The following SP110 variants were observed in gnomAD, a reference collection of about 807,000 sequenced individuals.
The protein encoded by SP110 is interferon-induced protein 41, 30kD.
In SP110, 62 loss-of-function variants were observed where a neutral mutation model predicts 92.7. The observed-to-expected ratio is 0.67, with a 90% CI of 0.55 to 0.83. The LOEUF (loss-of-function observed/expected upper bound fraction) is 0.83, where lower values mean the gene tolerates loss of function less well. Among genes scored for constraint, SP110 ranks in the 40% least tolerant of loss-of-function variants. The pLI is 0.00. For synonymous variants in SP110, 273 were observed against 305.3 expected (o/e 0.89, Z 1.10); for missense variants, 793 against 863.9 (o/e 0.92, Z 1.03).
At chr2:230,194,047 G>A (rs1415534699) in intron 10 of SP110, among the ~76,000 whole-genome samples, 1 of 152,148 alleles carries the variant, frequency 6.6e-6, no homozygotes, top group Non-Finnish European at 1.5e-5. Context: ...GGGGAACTAG[G>A]AAGAAGAGGC....
intron 10 of SP110, among the ~76,000 whole-genome samples, chr2:230,198,684 T>A (rs1484604350): frequency 6.6e-6 from 1 of 152,094 alleles, no homozygotes; most frequent in Non-Finnish European, 1.5e-5. Context: ...AACCTCTGCC[T>A]CCTGGGTTCA....
intron 17 of SP110, 115 bp downstream of exon 17, chr2:230,171,581 C>T (rs11690519): frequency 0.015 from 12,494 of 823,284 alleles, 127 homozygotes; most frequent in Non-Finnish European, 0.022. Context: ...ACTGCTGCCA[C>T]GCTGCCCTTC....
intron 14 of SP110, among the ~76,000 whole-genome samples, chr2:230,175,905 A>C (rs1181314237): frequency 7.0e-6 from 1 of 143,692 alleles, no homozygotes; most frequent in Non-Finnish European, 1.5e-5. Flanking sequence ...GTTCCTGTCT[A>C]TTTCAATGCC....
rs1483973100 is a variant in SP110, at chr2:230,172,125, G to A, written c.1756C>T (p.Gln586Ter). Residue 586 changes from glutamine to a stop codon, truncating the protein, a stop_gained, in exon 16 of 19, where the codon CAA becomes TAA. Coordinates refer to ENST00000258381, the MANE Select transcript of SP110 (RefSeq NM_080424.4). LOFTEE classifies it high-confidence loss of function. The part of the protein sequence containing the change: ...FCRMKRSSGS[Q>*]QCHHVSKTLE... ...GTCTTAGATACATGATGGCACTGTT[G>A]GCTTCCTGAAGACCTCTTCATCCTG... The A allele has an allele frequency of 6.2e-7, 1 of 1,613,810 alleles. No homozygotes were observed. The highest frequency in any genetic ancestry group is 8.5e-7 in the Non-Finnish European group (1 of 1,179,658).
upstream of SP110, chr2:230,220,249 G>C (rs1261873864): frequency 6.1e-6 from 1 of 162,856 alleles, no homozygotes; most frequent in Non-Finnish European, 1.3e-5. Context: ...TGGGAACTCA[G>C]CGTCCAAATG....
At chr2:230,204,853 G>C (rs1377446212) in intron 8 of SP110, among the ~76,000 whole-genome samples, 4 of 152,182 alleles carry the variant, frequency 2.6e-5, no homozygotes, top group African/African-American at 9.7e-5. Context: ...ATGGGGAGTA[G>C]TGTAGGTTCA....
chr2:230,196,693 TC>T (rs2042891595), intron 10 of SP110, among the ~76,000 whole-genome samples: 1 of 139,312 alleles, frequency 7.2e-6, no homozygotes, highest in Non-Finnish European at 1.5e-5. Flanking sequence ...CCCTCCCTCC[TC>T]CCCGCACCCC....
intron 8 of SP110, chr2:230,202,943 A>C: frequency 1.7e-6 from 1 of 590,834 alleles, no homozygotes; most frequent in Non-Finnish European, 3.0e-6. Flanking sequence ...ATCTGCTTTC[A>C]CTCCTGGTAT....
At chr2:230,188,561 T>A (rs1169641209) in intron 10 of SP110, among the ~76,000 whole-genome samples, 1 of 152,194 alleles carries the variant, frequency 6.6e-6, no homozygotes, top group Non-Finnish European at 1.5e-5. Flanking sequence ...CCTTGTCTTA[T>A]TCCAGTTCTC....
intron 9 of SP110, among the ~76,000 whole-genome samples, chr2:230,201,400 G>T (rs2043172499): frequency 6.6e-6 from 1 of 152,132 alleles, no homozygotes; most frequent in Non-Finnish European, 1.5e-5. Context: ...AAAACTGCTG[G>T]TGCCTTAAGA....
chr2:230,175,090 T>G (rs916647426), intron 14 of SP110, among the ~76,000 whole-genome samples: 5 of 152,200 alleles, frequency 3.3e-5, no homozygotes, highest in African/African-American at 1.2e-4. Context: ...TTATAGTAAT[T>G]CCAATTGTAC....
chr2:230,171,894 G>C (rs1256173633), intron 16 of SP110, 127 bp from the exon 17 acceptor site: 1 of 867,994 alleles, frequency 1.2e-6, no homozygotes, highest in Admixed American at 1.8e-5. Context: ...GCTTCCCAAG[G>C]CGCACAGGGT....
At position 230,169,013 on chromosome 2, in the gene SP110, G is replaced by T; in HGVS notation, c.*111C>A. 2.6e-6 allele frequency: 2 copies of T among 780,196 alleles called. No individual in the cohort carries two copies. The highest frequency in any genetic ancestry group is 2.7e-5 in the South Asian group (2 of 74,076). 48.3% of individuals were successfully genotyped at this position (780,196 alleles called of 1,614,324 possible). ...AATCCTATGAAGTGTCTGGGTTTGGGTCCTGAGGGCAGCCAATTACATCCC... is the reference window on the plus strand; with the variant it reads ...AATCCTATGAAGTGTCTGGGTTTGGTTCCTGAGGGCAGCCAATTACATCCC... On this transcript the variant is annotated 3_prime_UTR_variant, in exon 19 of 19. Transcript: ENST00000258381.
chr2:230,192,133 C>T (rs1052295127), intron 10 of SP110, among the ~76,000 whole-genome samples: 1 of 151,974 alleles, frequency 6.6e-6, no homozygotes, highest in Non-Finnish European at 1.5e-5. Context: ...TGGAACATAT[C>T]TCAAAATAAT....
chr2:230,190,780 G>A (rs1027984216), intron 10 of SP110, among the ~76,000 whole-genome samples: 20 of 152,278 alleles, frequency 1.3e-4, no homozygotes, highest in Non-Finnish European at 1.8e-4. Flanking sequence ...CATATGGATA[G>A]CCAGTTTTCC....
Position 230,168,965 on chromosome 2 carries a change from A to T in SP110, c.*159T>A. 1 of 673,420 alleles carries T rather than the reference A, an allele frequency of 1.5e-6. No homozygotes were observed. The highest frequency in any genetic ancestry group is 1.6e-5 in the South Asian group (1 of 63,088). 41.7% of individuals were successfully genotyped at this position (673,420 alleles called of 1,614,324 possible). On this transcript the variant is annotated 3_prime_UTR_variant, in exon 19 of 19. Coordinates refer to ENST00000258381, the MANE Select transcript of SP110 (RefSeq NM_080424.4). ...TATAGACTTTTAAAGGTAAAAAGAA[A>T]GAATAAAGATGGAGGGTGTGATAAT...
Position 230,215,131 on chromosome 2 carries a change from A to C in SP110, c.148-13T>G, listed in dbSNP as rs1574778458. The C allele has an allele frequency of 6.2e-7, 1 of 1,608,142 alleles. No individual in the cohort carries two copies. Among genetic ancestry groups the C allele is most frequent in the African/African-American group, 1.3e-5 (1 of 74,888 alleles). The stretch of plus-strand genomic sequence containing the variant: ...CTTCCAGAGATTCCTATAAAAATGG[A>C]GTGAAGGTTTTTATAAATGACTATA... On this transcript the variant is annotated splice_polypyrimidine_tract_variant and intron_variant, in intron 2 of 18. Coordinates refer to ENST00000258381, the MANE Select transcript of SP110 (RefSeq NM_080424.4).
At chr2:230,185,829 A>C (rs2042329328) in intron 11 of SP110, among the ~76,000 whole-genome samples, 165 bp downstream of exon 11, 1 of 152,150 alleles carries the variant, frequency 6.6e-6, no homozygotes. Flanking sequence ...TTCTTCCAAC[A>C]ACCACTGTCA....
chr2:230,183,096 C>T (rs2042199746), intron 12 of SP110, among the ~76,000 whole-genome samples: 1 of 151,960 alleles, frequency 6.6e-6, no homozygotes, highest in African/African-American at 2.4e-5. Context: ...GGTATAAAAG[C>T]AGAAGAAAAA....
Sources: gnomAD v4.1 joint callset for allele counts (sites outside exome capture counted in the v4.1 genomes callset) on GRCh38, gnomAD v4.1.1 for gene constraint, MANE v1.5 for transcripts, NCBI Gene and HGNC (gene_info 2026-07-23, HGNC 2026-07-21) for gene names.